Variants in TLR8 observed in about 807,000 individuals in gnomAD.
TLR8 encodes the protein toll-like receptor 8.
Under a neutral mutation model 18.5 loss-of-function variants are expected in TLR8, and 5 were observed. The observed-to-expected ratio is 0.27, with a 90% CI of 0.14 to 0.57. The LOEUF is 0.57. Among genes scored for constraint, TLR8 ranks in the 20% least tolerant of loss-of-function variants. The pLI, the probability that TLR8 is intolerant of heterozygous loss-of-function variation, is 0.92. For missense variants in TLR8, 543 were observed against 769.8 expected (o/e 0.71, Z 3.49); for synonymous variants, 299 against 300.1 (o/e 1.00, Z 0.04).
Position 12,920,315 on chromosome X carries a change from G to T in TLR8, c.1275G>T (p.Leu425Phe), listed in dbSNP as rs748518562. ...QNFSNLEIIY[L>F]SENRISPLVK... The stretch of plus-strand genomic sequence containing the variant: ...TCTCCAATCTGGAAATTATTTACTT[G>T]TCAGAAAACAGAATATCACCGTTGG... The change falls in exon 2 of 2, where the codon TTG (leucine) becomes TTT (phenylalanine). Residue 425 changes from leucine to phenylalanine, a missense_variant. Leu to Phe is a conservative substitution (Grantham distance 22). Coordinates refer to ENST00000218032, the MANE Select transcript of TLR8 (RefSeq NM_138636.5). 1.7e-6 allele frequency: 2 copies of T among 1,209,796 alleles called. No homozygotes were observed. Among genetic ancestry groups the T allele is most frequent in the African/African-American group, 1.7e-5 (1 of 57,652 alleles).
chrX:12,914,665 T>C (rs1305250740), intron 1 of TLR8, among the ~76,000 whole-genome samples: 7 of 111,355 alleles, frequency 6.3e-5, no homozygotes, highest in Admixed American at 4.8e-4. Context: ...GTCTCTCAAA[T>C]GTACCTCCCA....
At position 12,918,916 on chromosome X, in the gene TLR8, TTTAA is replaced by T. The variant is rs1446041779; in HGVS notation, c.4-125_4-122del. 6 of 731,815 alleles carry T rather than the reference TTTAA, an allele frequency of 8.2e-6. No individual in the cohort carries two copies. The African/African-American group carries it at 1.1e-4, about 13-fold the overall frequency. The allele number at this position is 731,815 out of a possible 1,213,427, so 60.3% of individuals were successfully genotyped here. A position where few individuals can be genotyped will look rare whatever the true frequency, so the allele number is the denominator to read the frequency against. On this transcript the variant is annotated intron_variant, in intron 1 of 1. Coordinates refer to ENST00000218032, the MANE Select transcript of TLR8 (RefSeq NM_138636.5). ...TCTGGACCTAATCTGATGCAATTTATTTAATTGTTAAGTGAATGCACACATCAAA... is the reference window on the plus strand; with the variant it reads ...TCTGGACCTAATCTGATGCAATTTATTTGTTAAGTGAATGCACACATCAAA...
intron 1 of TLR8, among the ~76,000 whole-genome samples, chrX:12,913,782 G>A (rs979263655): frequency 2.7e-4 from 30 of 112,080 alleles, no homozygotes; most frequent in African/African-American, 9.7e-4. Flanking sequence ...CCATCTTAGA[G>A]GTGGTGTTAA....
intron 1 of TLR8, among the ~76,000 whole-genome samples, chrX:12,916,777 G>A (rs1003948263): frequency 3.6e-5 from 4 of 111,940 alleles, no homozygotes; most frequent in Admixed American, 2.8e-4. Context: ...GCCAAGCTGG[G>A]CTGTCATCTG....
In TLR8 at chrX:12,920,354, G is replaced by A; in HGVS notation, c.1314G>A (p.Arg438=). ...TATCACCGTTGGTAAAAGATACCCG[G>A]CAGAGTTATGCAAATAGTTCCTCTT... is the stretch of plus-strand genomic sequence containing the variant. The part of the protein sequence containing the change: ...NRISPLVKDT[R]QSYANSSSFQ... The change falls in exon 2 of 2, where the codon CGG becomes CGA. Residue 438 remains arginine (R), a synonymous_variant. Transcript: ENST00000218032. 8.3e-7 allele frequency: 1 copy of A among 1,210,506 alleles called. No individual in the cohort carries two copies. The highest frequency in any genetic ancestry group is 1.8e-5 in the South Asian group (1 of 56,698).
At chrX:12,913,573 G>A (rs776231606) in intron 1 of TLR8, among the ~76,000 whole-genome samples, 3 of 112,432 alleles carry the variant, frequency 2.7e-5, no homozygotes, top group African/African-American at 9.7e-5. Flanking sequence ...ACATAATATC[G>A]TTTATTTACC....
At position 12,921,057 on chromosome X, in the gene TLR8, G is replaced by A; in HGVS notation, c.2017G>A (p.Asp673Asn). 1 of 1,210,162 alleles carries A rather than the reference G, an allele frequency of 8.3e-7. No homozygotes were observed. The highest frequency in any genetic ancestry group is 1.7e-5 in the African/African-American group (1 of 57,745). The change falls in exon 2 of 2, where the codon GAT becomes AAT. Residue 673 changes from aspartate (D) to asparagine (N), a missense_variant. Coordinates refer to ENST00000218032, the MANE Select transcript of TLR8 (RefSeq NM_138636.5). ...GAGTCTCACTGAACTACATATAAAT[G>A]ATAATATGTTAAAGTTTTTTAACTG... Reference protein sequence around the residue: ...PASLTELHINDNMLKFFNWTL... With the variant: ...PASLTELHINNNMLKFFNWTL...
chrX:12,916,440 G>A, intron 1 of TLR8, among the ~76,000 whole-genome samples: 1 of 111,604 alleles, frequency 9.0e-6, no homozygotes, highest in Non-Finnish European at 1.9e-5. Context: ...CTGCTCAGGT[G>A]CCTGAACAAA....
At chrX:12,915,045 T>C (rs758919240) in intron 1 of TLR8, among the ~76,000 whole-genome samples, 9 of 112,648 alleles carry the variant, frequency 8.0e-5, no homozygotes, top group South Asian at 3.7e-4. Context: ...GTAATGCATA[T>C]GTGAATTAGC....
chrX:12,917,152 C>T (rs1040981914), intron 1 of TLR8, among the ~76,000 whole-genome samples: 1 of 112,126 alleles, frequency 8.9e-6, no homozygotes, highest in Non-Finnish European at 1.9e-5. Flanking sequence ...CAGTAATACC[C>T]GGGACAAAAT....
chrX:12,912,686 T>G (rs1602451012), intron 1 of TLR8, among the ~76,000 whole-genome samples: 3 of 113,154 alleles, frequency 2.7e-5, no homozygotes, highest in Middle Eastern at 9.2e-3. Flanking sequence ...ACTTCAGTAC[T>G]TTTTTGGGAG....
At chrX:12,910,552 G>C in intron 1 of TLR8, 1 of 877,414 alleles carries the variant, frequency 1.1e-6, no homozygotes, top group Non-Finnish European at 1.6e-6. Context: ...CCCTACCTTT[G>C]TGCCCACACA....
rs768763743 is a variant in TLR8, at chrX:12,920,306, T to C, written c.1266T>C (p.Ile422=). The change falls in exon 2 of 2, where the codon ATT becomes ATC. Residue 422 remains isoleucine (I), a synonymous_variant. Transcript: ENST00000218032. ...TCCAAAATTTCTCCAATCTGGAAATTATTTACTTGTCAGAAAACAGAATAT... is the reference window on the plus strand; with the variant it reads ...TCCAAAATTTCTCCAATCTGGAAATCATTTACTTGTCAGAAAACAGAATAT... The part of the protein sequence containing the change: ...KLFQNFSNLE[I]IYLSENRISP... The C allele has an allele frequency of 8.3e-7, 1 of 1,209,399 alleles. No homozygotes were observed.
Position 12,920,259 on chromosome X carries a change from A to G in TLR8, c.1219A>G (p.Lys407Glu). The G allele has an allele frequency of 8.3e-7, 1 of 1,206,306 alleles. No individual in the cohort carries two copies. The highest frequency in any genetic ancestry group is 1.1e-6 in the Non-Finnish European group (1 of 893,029). The change falls in exon 2 of 2, where the codon AAG becomes GAG. Residue 407 changes from lysine to glutamate, a missense_variant. Transcript: ENST00000218032. Reference protein sequence around the residue: ...STINLGINFIKQIDFKLFQNF... With the variant: ...STINLGINFIEQIDFKLFQNF... The stretch of plus-strand genomic sequence containing the variant: ...TATCAACTTGGGTATTAATTTTATT[A>G]AGCAAATCGATTTCAAACTTTTCCA...
chrX:12,910,957 T>C (rs975638680), intron 1 of TLR8, among the ~76,000 whole-genome samples: 1 of 111,168 alleles, frequency 9.0e-6, no homozygotes, highest in Non-Finnish European at 1.9e-5. Flanking sequence ...TTTTTCTTTT[T>C]TTTTTCATGA....
rs1192862955 is a variant in TLR8 at position 12,921,438 on chromosome X, G to A, written c.2398G>A (p.Asp800Asn). 3 of 1,212,017 alleles carry A rather than the reference G, an allele frequency of 2.5e-6. No homozygotes were observed. In the African/African-American group the frequency reaches 5.2e-5, roughly 21 times the overall value. Residue 800 changes from aspartate to asparagine, a missense_variant, in exon 2 of 2, where the codon GAT (aspartate) becomes AAT (asparagine). Asp to Asn is a conservative substitution (Grantham distance 23). Transcript: ENST00000218032. The part of the protein sequence containing the change: ...HLNVKIPRLV[D>N]VICASPGDQR... ...GAATGTCAAAATTCCCAGACTGGTAGATGTCATTTGTGCCAGTCCTGGGGA... is the reference window on the plus strand; with the variant it reads ...GAATGTCAAAATTCCCAGACTGGTAAATGTCATTTGTGCCAGTCCTGGGGA...
At chrX:12,907,020 G>C (rs1363642831) in intron 1 of TLR8, among the ~76,000 whole-genome samples, 2 of 112,047 alleles carry the variant, frequency 1.8e-5, no homozygotes, top group African/African-American at 6.5e-5. Flanking sequence ...ATTACTTACT[G>C]GCCCTACCAG....
chrX:12,918,948 T>A, intron 1 of TLR8, 96 bp from the exon 2 acceptor site: 1 of 943,471 alleles, frequency 1.1e-6, no homozygotes, highest in Non-Finnish European at 1.5e-6. Context: ...ACATCAAAAT[T>A]CATACAAGTA....
rs766465435 is a variant in TLR8 at position 12,906,956 on chromosome X, A to T, written c.3+247A>T. ...GAAAATCAAATGCAGTGATGATCTT[A>T]CTAATTTGGACAGGAAAATAAGAAA... On this transcript the variant is annotated intron_variant, in intron 1 of 1. Transcript: ENST00000218032. 2.6e-4 allele frequency among the ~76,000 whole-genome samples: 29 copies of T among 112,732 alleles called. No individual in the cohort carries two copies. In the South Asian group the frequency reaches 5.1e-3, roughly 20 times the overall value.
Sources: gnomAD v4.1 joint callset for allele counts (sites outside exome capture counted in the v4.1 genomes callset) on GRCh38, gnomAD v4.1.1 for gene constraint, MANE v1.5 for transcripts, NCBI Gene and HGNC (gene_info 2026-07-23, HGNC 2026-07-21) for gene names.